IFT74: variants seen among roughly 807,000 people sequenced by gnomAD.
IFT74 encodes intraflagellar transport 74.
In IFT74, 92 loss-of-function variants were observed where a neutral mutation model predicts 96.7. The ratio of observed to expected loss-of-function variants is 0.95; its 90% CI spans 0.80 to 1.13. The LOEUF (loss-of-function observed/expected upper bound fraction) is 1.13. Among genes scored for constraint, IFT74 ranks in the 50% most tolerant of loss-of-function variants. The pLI is 0.00. For missense variants in IFT74, 811 were observed against 698.2 expected, an observed-to-expected ratio of 1.16 and a Z score of -1.82; for synonymous variants, 223 against 213.2, an observed-to-expected ratio of 1.05 and a Z score of -0.40.
chr9:26,955,335 C>T (rs1587221908), upstream of IFT74, among the ~76,000 whole-genome samples: 1 of 152,286 alleles, frequency 6.6e-6, no homozygotes, highest in East Asian at 1.9e-4. Flanking sequence ...GATGTAGTTA[C>T]TGCGGCTGTC....
intron 8 of IFT74, among the ~76,000 whole-genome samples, chr9:27,006,658 G>A (rs936424841): frequency 1.3e-5 from 2 of 148,820 alleles, no homozygotes; most frequent in South Asian, 4.4e-4. Flanking sequence ...AGAGAGGAGG[G>A]GGAGGGGAAG....
At position 26,948,636 on chromosome 9, in the gene IFT74, T is replaced by C. The variant is rs903603704; in HGVS notation, c.-20+1490T>C. On this transcript the variant is annotated intron_variant, in intron 1 of 19. Transcript: ENST00000433700. ...AGCGCGCCACCATGCCCAGCTAAAT[T>C]TTGTGTTTTTAGTAGAAACGAGTTT... Among the ~76,000 whole-genome samples the C allele has an allele frequency of 4.6e-5, 7 of 151,828 alleles. No individual in the cohort carries two copies. The East Asian group carries it at 1.4e-3, about 29-fold the overall frequency.
intron 2 of IFT74, among the ~76,000 whole-genome samples, chr9:26,977,622 G>A (rs1292335583): frequency 1.3e-5 from 2 of 152,142 alleles, no homozygotes; most frequent in Admixed American, 6.5e-5. Flanking sequence ...TCAAGTAGCC[G>A]GGATTACAGA....
intron 2 of IFT74, among the ~76,000 whole-genome samples, chr9:26,963,844 A>G (rs111340781): frequency 0.048 from 7,227 of 152,114 alleles, 229 homozygotes; most frequent in South Asian, 0.13. Flanking sequence ...AGTTCATTGT[A>G]GATAGATTCT....
chr9:26,996,200 T>A, intron 8 of IFT74: 2 of 700,358 alleles, frequency 2.9e-6, no homozygotes, highest in Non-Finnish European at 4.2e-6. Flanking sequence ...TTAGTTGAGA[T>A]GAGGAATCTT....
chr9:27,044,773 G>GA lies in IFT74; in HGVS notation c.1090dup (p.Arg364LysfsTer10). 1 of 1,556,592 alleles carries GA rather than the reference G, an allele frequency of 6.4e-7. No homozygotes were observed. On this transcript the variant is annotated frameshift_variant, in exon 14 of 20. Coordinates refer to ENST00000380062, the MANE Select transcript of IFT74 (RefSeq NM_025103.4). LOFTEE classifies it high-confidence loss of function. ...TGAACCAGAAATACAAGGAGCTAAAGAAAAGGGAGGAACATATGGACAGTA... is the reference window on the plus strand; with the variant it reads ...TGAACCAGAAATACAAGGAGCTAAAGAAAAAGGGAGGAACATATGGACAGTA...
chr9:26,949,644 A>G (rs757315925), intron 1 of IFT74, among the ~76,000 whole-genome samples: 2 of 152,192 alleles, frequency 1.3e-5, no homozygotes, highest in African/African-American at 2.4e-5. Context: ...GGAAAGATGA[A>G]TAATCACAGG....
intron 8 of IFT74, among the ~76,000 whole-genome samples, chr9:27,000,516 G>A (rs188141130): frequency 1.3e-5 from 2 of 152,146 alleles, no homozygotes; most frequent in African/African-American, 2.4e-5. Flanking sequence ...TTATTGAGGC[G>A]TGGTAGATAT....
At chr9:27,017,342 C>A (rs1829396608) in intron 11 of IFT74, among the ~76,000 whole-genome samples, 1 of 152,116 alleles carries the variant, frequency 6.6e-6, no homozygotes, top group Admixed American at 6.6e-5. Flanking sequence ...CCACCTCAGC[C>A]TCCCGAGTAG....
chr9:27,050,791 G>A (rs915895667), intron 16 of IFT74, among the ~76,000 whole-genome samples: 1 of 151,308 alleles, frequency 6.6e-6, no homozygotes, highest in East Asian at 1.9e-4. Context: ...TGTAAATGAC[G>A]AGTTAATGGG....
chr9:26,953,905 TA>T (rs1394041855), upstream of IFT74, among the ~76,000 whole-genome samples: 3 of 152,356 alleles, frequency 2.0e-5, no homozygotes, highest in East Asian at 5.8e-4. Flanking sequence ...CTGGGCTACA[TA>T]AGCGTAACTG....
intron 16 of IFT74, among the ~76,000 whole-genome samples, chr9:27,049,705 A>G (rs893394114): frequency 1.3e-5 from 2 of 152,186 alleles, no homozygotes; most frequent in African/African-American, 2.4e-5. Flanking sequence ...AAATAATGCT[A>G]TGATAGAAGT....
intron 2 of IFT74, among the ~76,000 whole-genome samples, chr9:26,974,701 C>G (rs975666397): frequency 1.3e-5 from 2 of 152,192 alleles, no homozygotes; most frequent in Non-Finnish European, 2.9e-5. Flanking sequence ...TACGGTTATG[C>G]TTTTTTTCTC....
intron 8 of IFT74, among the ~76,000 whole-genome samples, chr9:26,998,526 G>A (rs1423125336): frequency 3.3e-5 from 5 of 152,064 alleles, no homozygotes; most frequent in African/African-American, 1.2e-4. Context: ...TAATGCTACT[G>A]GAATATTCCC....
At chr9:26,998,214 T>A in intron 8 of IFT74, 1 of 1,496,672 alleles carries the variant, frequency 6.7e-7, no homozygotes, top group Non-Finnish European at 9.0e-7. Flanking sequence ...AAGGTATAAT[T>A]TTTTTCAGTA....
intron 11 of IFT74, 24 bp downstream of exon 11, chr9:27,017,074 T>C: frequency 6.3e-7 from 1 of 1,581,872 alleles, no homozygotes; most frequent in Non-Finnish European, 8.6e-7. Context: ...ACATACTTAT[T>C]TTAAGATGTC....
At chr9:26,962,220 A>G in intron 2 of IFT74, 133 bp downstream of exon 2, 1 of 739,584 alleles carries the variant, frequency 1.4e-6, no homozygotes. Flanking sequence ...GACTGTCTCA[A>G]AAATCTGTTG....
At chr9:26,961,398 A>AT in intron 1 of IFT74, among the ~76,000 whole-genome samples, 1 of 151,864 alleles carries the variant, frequency 6.6e-6, no homozygotes, top group East Asian at 1.9e-4. Flanking sequence ...CCTCTTGTTA[A>AT]TTTTTTTAAA....
intron 13 of IFT74, among the ~76,000 whole-genome samples, chr9:27,031,328 CTGG>C (rs984930338): frequency 3.3e-5 from 5 of 151,822 alleles, no homozygotes; most frequent in African/African-American, 9.7e-5. Context: ...TTAGCCGGGC[CTGG>C]TGGTGGGCGC....
Sources: allele counts gnomAD v4.1 joint callset (sites outside exome capture counted in the v4.1 genomes callset), GRCh38; gene constraint gnomAD v4.1.1; transcripts MANE v1.5; gene names NCBI Gene and HGNC (gene_info 2026-07-23, HGNC 2026-07-21).